The following OTOGL variants were observed in gnomAD, a reference collection of about 807,000 sequenced individuals.
The protein encoded by OTOGL is otogelin like.
OTOGL carries 285 observed loss-of-function variants against 318.5 expected under a neutral mutation model. The ratio of observed to expected loss-of-function variants is 0.89; its 90% CI spans 0.81 to 0.99. The LOEUF is 0.99. Ranked by LOEUF, OTOGL falls within the 50% of genes least tolerant of loss-of-function variation. The pLI is 0.00. For missense variants in OTOGL, 2,899 were observed against 2,845.6 expected (o/e 1.02, Z -0.43); for synonymous variants, 987 against 936.5 (o/e 1.05, Z -0.99).
intron 29 of OTOGL, among the ~76,000 whole-genome samples, chr12:80,307,028 T>A (rs1242038849): frequency 1.3e-5 from 2 of 149,038 alleles, no homozygotes; most frequent in Admixed American, 1.3e-4. Context: ...CATGCTGCCT[T>A]CAAGCATCTG....
chr12:80,173,015 G>A (rs926030833), intron 1 of OTOGL, among the ~76,000 whole-genome samples: 1 of 152,108 alleles, frequency 6.6e-6, no homozygotes, highest in Non-Finnish European at 1.5e-5. Flanking sequence ...GGGATGTTCT[G>A]TGCAGCAAAC....
At chr12:80,100,403 C>T (rs1042048415) in intron 1 of OTOGL, among the ~76,000 whole-genome samples, 3 of 152,118 alleles carry the variant, frequency 2.0e-5, no homozygotes, top group Non-Finnish European at 4.4e-5. Flanking sequence ...GATCATTATA[C>T]ATTATATCTT....
intron 44 of OTOGL, chr12:80,343,693 T>C (rs1888984741): frequency 1.3e-5 from 2 of 151,656 alleles, no homozygotes; most frequent in Non-Finnish European, 2.9e-5. Context: ...AATGGAGCAA[T>C]GAGGGAGGAA....
intron 1 of OTOGL, among the ~76,000 whole-genome samples, chr12:80,149,695 G>A (rs56390139): frequency 0.034 from 5,065 of 149,304 alleles, 114 homozygotes; most frequent in Non-Finnish European, 0.049. Context: ...TTTGATCTCA[G>A]ACTGCTGTGC....
intron 1 of OTOGL, among the ~76,000 whole-genome samples, chr12:80,197,250 G>A (rs1027416857): frequency 5.3e-5 from 8 of 152,110 alleles, no homozygotes; most frequent in Admixed American, 2.0e-4. Context: ...TCCCTAAAAT[G>A]TATAAAACCA....
intron 9 of OTOGL, among the ~76,000 whole-genome samples, chr12:80,236,376 T>G (rs1879845665): frequency 6.6e-6 from 1 of 152,150 alleles, no homozygotes; most frequent in South Asian, 2.1e-4. Context: ...CATTTTAATT[T>G]TAGTTTAGCA....
chr12:80,372,118 A>G, intron 57 of OTOGL, 54 bp downstream of exon 57: 1 of 1,224,828 alleles, frequency 8.2e-7, no homozygotes. Context: ...TTAATTGCTC[A>G]TAGTGATTAT....
chr12:80,324,628 G>A (rs2137853209), intron 35 of OTOGL, among the ~76,000 whole-genome samples: 1 of 152,302 alleles, frequency 6.6e-6, no homozygotes, highest in South Asian at 2.1e-4. Context: ...GCTGTTGGAG[G>A]AGAGGAGGAC....
At chr12:80,318,742 C>G (rs1005939268) in intron 33 of OTOGL, 29 bp downstream of exon 33, 5 of 1,186,426 alleles carry the variant, frequency 4.2e-6, no homozygotes, top group Non-Finnish European at 5.4e-6. Context: ...AAGAGTTTAG[C>G]TTTCCAATTA....
chr12:80,192,019 C>A (rs538626876), intron 1 of OTOGL, among the ~76,000 whole-genome samples: 1 of 152,312 alleles, frequency 6.6e-6, no homozygotes, highest in South Asian at 2.1e-4. Flanking sequence ...GTATTTTCAT[C>A]TCAAGAATAT....
At chr12:80,271,974 C>T (rs1272029584) in intron 24 of OTOGL, among the ~76,000 whole-genome samples, 164 bp downstream of exon 24, 1 of 152,070 alleles carries the variant, frequency 6.6e-6, no homozygotes, top group African/African-American at 2.4e-5. Context: ...GCTCATGTGA[C>T]ATTGTGAAAT....
intron 28 of OTOGL, 122 bp downstream of exon 28, chr12:80,302,905 C>A: frequency 1.1e-6 from 1 of 923,472 alleles, no homozygotes; most frequent in Non-Finnish European, 1.4e-6. Flanking sequence ...TCCAGAATTA[C>A]TAACTCATAC....
chr12:80,344,879 T>A (rs1041197927), intron 44 of OTOGL, among the ~76,000 whole-genome samples: 2 of 150,748 alleles, frequency 1.3e-5, no homozygotes, highest in African/African-American at 4.9e-5. Context: ...ATTTTTATAA[T>A]TTTTTTAAGT....
Position 80,377,892 on chromosome 12 carries a change from A to G in OTOGL, c.6906A>G (p.Ile2302Met), listed in dbSNP as rs1649666968. Residue 2302 changes from isoleucine to methionine, a missense_variant, in exon 59 of 59, where the codon ATA (isoleucine) becomes ATG (methionine). Transcript: ENST00000547103. ...SCDGKCPSATIYNINIESHLR... is the reference protein window; with the variant it reads ...SCDGKCPSATMYNINIESHLR... ...ACGGCAAATGCCCATCAGCTACCATATATAACATCAATATTGAAAGTCACC... is the reference window on the plus strand; with the variant it reads ...ACGGCAAATGCCCATCAGCTACCATGTATAACATCAATATTGAAAGTCACC... 1 of 1,611,902 alleles carries G rather than the reference A, an allele frequency of 6.2e-7. No homozygotes were observed. The highest frequency in any genetic ancestry group is 1.3e-5 in the African/African-American group (1 of 75,002).
At chr12:80,342,506 T>C (rs1888846376) in intron 44 of OTOGL, among the ~76,000 whole-genome samples, 1 of 152,254 alleles carries the variant, frequency 6.6e-6, no homozygotes, top group Admixed American at 6.5e-5. Context: ...CAATTCCTTA[T>C]GATCCTGGCT....
At chr12:80,140,631 C>T (rs1871872894) in intron 1 of OTOGL, among the ~76,000 whole-genome samples, 1 of 152,166 alleles carries the variant, frequency 6.6e-6, no homozygotes, top group Non-Finnish European at 1.5e-5. Flanking sequence ...CTCTGTGCTT[C>T]AGTCTCCTCA....
intron 1 of OTOGL, among the ~76,000 whole-genome samples, chr12:80,099,992 C>A (rs1056098958): frequency 1.3e-5 from 2 of 152,136 alleles, no homozygotes; most frequent in Non-Finnish European, 2.9e-5. Context: ...GGAAATAATT[C>A]ATTAACTGAA....
rs573443253 is a variant in OTOGL, at chr12:80,358,380, T to G, written c.6121+31T>G. Reference sequence around the variant, plus strand: ...TGTATATTAACTATTCTAAAATATTTAGATGTGTCCAATGTTTAAGAAGCC... The same window carrying G: ...TGTATATTAACTATTCTAAAATATTGAGATGTGTCCAATGTTTAAGAAGCC... On this transcript the variant is annotated intron_variant, in intron 50 of 58. Transcript: ENST00000547103. 4.0e-4 allele frequency: 595 copies of G among 1,490,308 alleles called. 6 individuals are homozygous for G. The East Asian group carries it at 0.013, about 34-fold the overall frequency. The allele number at this position is 1,490,308 out of a possible 1,614,324, so 92.3% of individuals were successfully genotyped here.
chr12:80,292,350 T>C (rs1885100524), intron 26 of OTOGL, among the ~76,000 whole-genome samples: 2 of 152,192 alleles, frequency 1.3e-5, no homozygotes, highest in South Asian at 4.1e-4. Flanking sequence ...AACAAACAAG[T>C]CATAAGAAAA....
Sources: gnomAD v4.1 joint callset for allele counts (sites outside exome capture counted in the v4.1 genomes callset) on GRCh38, gnomAD v4.1.1 for gene constraint, MANE v1.5 for transcripts, NCBI Gene and HGNC (gene_info 2026-07-23, HGNC 2026-07-21) for gene names.